The following OR52N1 variants were observed in gnomAD, a reference collection of about 807,000 sequenced individuals.
OR52N1 encodes olfactory receptor family 52 subfamily N member 1.
A neutral mutation model predicts 13.9 loss-of-function variants in OR52N1; 11 were observed. The ratio of observed to expected loss-of-function variants is 0.79; its 90% CI spans 0.50 to 1.31. The LOEUF (loss-of-function observed/expected upper bound fraction) is 1.31. OR52N1 is among the 40% of genes most tolerant of loss of function. The probability of loss-of-function intolerance (pLI) is 0.00; values close to 1 mark genes in which losing one functional copy is unlikely to be tolerated. For synonymous variants in OR52N1, 142 were observed against 143.7 expected (o/e 0.99, Z 0.08); for missense variants, 414 against 397.7 (o/e 1.04, Z -0.35).
In OR52N1 at chr11:5,788,853, C is replaced by T; in HGVS notation, c.-37G>A. On this transcript the variant is annotated 5_prime_UTR_variant, in exon 2 of 2. The change abolishes an upstream ATG in the 5' untranslated region. Transcript: ENST00000641645. ...GAAGTTCATTGTATAGCAGTTATAGCATTGCCTCTGTGAGCAGGAAATAAA... is the reference window on the plus strand; with the variant it reads ...GAAGTTCATTGTATAGCAGTTATAGTATTGCCTCTGTGAGCAGGAAATAAA... The T allele has an allele frequency of 6.6e-7, 1 of 1,520,946 alleles. No homozygotes were observed. Among genetic ancestry groups the T allele is most frequent in the Non-Finnish European group, 8.7e-7 (1 of 1,143,248 alleles). The allele number at this position is 1,520,946 out of a possible 1,614,324, so 94.2% of individuals were successfully genotyped here.
At chr11:5,789,403 A>G (rs1854632474) in intron 1 of OR52N1, among the ~76,000 whole-genome samples, 1 of 152,128 alleles carries the variant, frequency 6.6e-6, no homozygotes, top group Non-Finnish European at 1.5e-5. Flanking sequence ...GAAATCATAG[A>G]ATGATCTTAG....
At position 5,787,638 on chromosome 11, in the gene OR52N1, G is replaced by A. The variant is rs1334376878; in HGVS notation, c.*216C>T. 5 of 390,004 alleles carry A rather than the reference G, an allele frequency of 1.3e-5. 1 individual carries two copies. Among genetic ancestry groups the A allele is most frequent in the South Asian group, 5.2e-5 (1 of 19,340 alleles). 24.2% of individuals were successfully genotyped at this position (390,004 alleles called of 1,614,324 possible). On this transcript the variant is annotated 3_prime_UTR_variant, in exon 2 of 2. Coordinates refer to ENST00000641645, the MANE Select transcript of OR52N1 (RefSeq NM_001001913.2). The stretch of plus-strand genomic sequence containing the variant: ...GTGAAGATTAAATGCAGTGAACTTC[G>A]AAGTCCTCTATAGTAAAAAGGCTTT...
In OR52N1 at chr11:5,788,222, T is replaced by C. The variant is rs1283532763; in HGVS notation, c.595A>G (p.Ile199Val). The change falls in exon 2 of 2, where the codon ATC becomes GTC. Residue 199 changes from isoleucine (I) to valine (V), a missense_variant. Coordinates refer to ENST00000641645, the MANE Select transcript of OR52N1 (RefSeq NM_001001913.2). ...AGCAGGGCAACTATCAAACCATAGA[T>C]GGCGTTAACCCTGACATTACCACAA... is the stretch of plus-strand genomic sequence containing the variant. Reference protein sequence around the residue: ...ISCGNVRVNAIYGLIVALLIG... With the variant: ...ISCGNVRVNAVYGLIVALLIG... 3 of 1,613,936 alleles carry C rather than the reference T, an allele frequency of 1.9e-6. No homozygotes were observed. Among genetic ancestry groups the C allele is most frequent in the South Asian group, 1.1e-5 (1 of 91,086 alleles).
rs1252529307 is a variant in OR52N1 at position 5,788,254 on chromosome 11, T to A, written c.563A>T (p.Lys188Met). The A allele has an allele frequency of 6.2e-7, 1 of 1,613,966 alleles. No homozygotes were observed. Among genetic ancestry groups the A allele is most frequent in the African/African-American group, 1.3e-5 (1 of 74,934 alleles). Reference protein sequence around the residue: ...HTYCDHMSVAKISCGNVRVNA... With the variant: ...HTYCDHMSVAMISCGNVRVNA... ...AACCCTGACATTACCACAAGATATC[T>A]TGGCCACAGACATGTGGTCACAGTA... The change falls in exon 2 of 2, where the codon AAG becomes ATG. Residue 188 changes from lysine (K) to methionine (M), a missense_variant. Coordinates refer to ENST00000641645, the MANE Select transcript of OR52N1 (RefSeq NM_001001913.2).
At chr11:5,790,685 C>T (rs1322177370) in intron 1 of OR52N1, among the ~76,000 whole-genome samples, 1 of 151,970 alleles carries the variant, frequency 6.6e-6, no homozygotes, top group African/African-American at 2.4e-5. Context: ...ATCTGCTCAC[C>T]CTAATGATCA....
Position 5,787,584 on chromosome 11 carries a change from A to G in OR52N1, c.*270T>C. 3.8e-6 allele frequency: 1 copy of G among 261,130 alleles called. No homozygotes were observed. Among genetic ancestry groups the G allele is most frequent in the Non-Finnish European group, 7.1e-6 (1 of 140,090 alleles). The allele number at this position is 261,130 out of a possible 1,614,324, so 16.2% of individuals were successfully genotyped here. Reference sequence around the variant, plus strand: ...ACCACTGTGCTGCAAATTTGTGTAGACTGTCATTTAGGAGAGAAGATGATG... The same window carrying G: ...ACCACTGTGCTGCAAATTTGTGTAGGCTGTCATTTAGGAGAGAAGATGATG... On this transcript the variant is annotated 3_prime_UTR_variant, in exon 2 of 2. Coordinates refer to ENST00000641645, the MANE Select transcript of OR52N1 (RefSeq NM_001001913.2).
chr11:5,787,760 T>G lies in OR52N1; in HGVS notation c.*94A>C. On this transcript the variant is annotated 3_prime_UTR_variant, in exon 2 of 2. Coordinates refer to ENST00000641645, the MANE Select transcript of OR52N1 (RefSeq NM_001001913.2). ...GAGTAATCCGAGTATCATAAAAATATTCCTGTGGCCAGATTTCTGGTGTCA... is the reference window on the plus strand; with the variant it reads ...GAGTAATCCGAGTATCATAAAAATAGTCCTGTGGCCAGATTTCTGGTGTCA... 2 of 1,081,554 alleles carry G rather than the reference T, an allele frequency of 1.8e-6. No individual in the cohort carries two copies. Among genetic ancestry groups the G allele is most frequent in the Non-Finnish European group, 2.6e-6 (2 of 764,556 alleles). The allele number at this position is 1,081,554 out of a possible 1,614,324, so 67.0% of individuals were successfully genotyped here. A position where few individuals can be genotyped will look rare whatever the true frequency, so the allele number is the denominator to read the frequency against.
rs1854657479 is a variant in OR52N1, at chr11:5,791,264, C to G, written c.-198G>C. The G allele has an allele frequency of 6.6e-6, 1 of 151,844 alleles. No homozygotes were observed. The highest frequency in any genetic ancestry group is 1.5e-5 in the Non-Finnish European group (1 of 67,834). 9.4% of individuals were successfully genotyped at this position (151,844 alleles called of 1,614,324 possible). ...GTGGAGGAGGGAACATTTCTATTAT[C>G]TGTCCATATGTGTGTGTACGTGCAT... On this transcript the variant is annotated 5_prime_UTR_variant, in exon 1 of 2. Transcript: ENST00000641645.
In OR52N1 at chr11:5,788,443, C is replaced by T. The variant is rs10769224; in HGVS notation, c.374G>A (p.Cys125Tyr). The T allele has an allele frequency of 0.3, 485,286 of 1,613,724 alleles. 74,170 individuals carry two copies. The highest frequency in any genetic ancestry group is 0.44 in the African/African-American group (33,089 of 74,924). Reference protein sequence around the residue: ...GVLMLMALDHCVAICFPLRYA... With the variant: ...GVLMLMALDHYVAICFPLRYA... ...ACGCAGAGGGAAGCAGATGGCCACA[C>T]AGTGGTCCAGGGCCATGAGCATGAG... The change falls in exon 2 of 2, where the codon TGT becomes TAT. Residue 125 changes from cysteine (C) to tyrosine (Y), a missense_variant. By Grantham distance (194) the Cys-to-Tyr change is radical (BLOSUM62 -2). Transcript: ENST00000641645.
chr11:5,788,380 G>C lies in OR52N1; in HGVS notation c.437C>G (p.Ala146Gly). 6.2e-7 allele frequency: 1 copy of C among 1,614,028 alleles called. No individual in the cohort carries two copies. The highest frequency in any genetic ancestry group is 8.5e-7 in the Non-Finnish European group (1 of 1,179,996). Residue 146 changes from alanine to glycine, a missense_variant, in exon 2 of 2, where the codon GCT becomes GGT. By Grantham distance (60) the Ala-to-Gly change is moderately conservative. Coordinates refer to ENST00000641645, the MANE Select transcript of OR52N1 (RefSeq NM_001001913.2). ...TILTNSVIAKAGFLTFLRGVM... is the reference protein window; with the variant it reads ...TILTNSVIAKGGFLTFLRGVM... ...ACCCCTAAGAAAAGTGAGGAACCCA[G>C]CTTTAGCAATGACTGAATTAGTGAG...
rs1590354755 is a variant in OR52N1, at chr11:5,786,961, T to C, written c.*893A>G. 1.4e-5 allele frequency: 2 copies of C among 139,802 alleles called. 1 individual carries two copies. Among genetic ancestry groups the C allele is most frequent in the Non-Finnish European group, 3.2e-5 (2 of 63,366 alleles). The allele number at this position is 139,802 out of a possible 1,614,324, so 8.7% of individuals were successfully genotyped here. A position where few individuals can be genotyped will look rare whatever the true frequency, so the allele number is the denominator to read the frequency against. On this transcript the variant is annotated 3_prime_UTR_variant, in exon 2 of 2. Transcript: ENST00000641645. ...CTCACAGCTTAGGGAGGTGAGAGTATGTGCTCAAGACATATTATTTTAAAT... is the reference window on the plus strand; with the variant it reads ...CTCACAGCTTAGGGAGGTGAGAGTACGTGCTCAAGACATATTATTTTAAAT...
At chr11:5,788,901 G>A (rs1274084610) in intron 1 of OR52N1, 41 bp from the exon 2 acceptor site, 1 of 1,401,112 alleles carries the variant, frequency 7.1e-7, no homozygotes, top group Non-Finnish European at 9.6e-7. Flanking sequence ...TTCAAGGAGT[G>A]ACTGACCATC....
At position 5,788,302 on chromosome 11, in the gene OR52N1, T is replaced by A. The variant is rs1854617951; in HGVS notation, c.515A>T (p.Lys172Met). The change falls in exon 2 of 2, where the codon AAG (lysine) becomes ATG (methionine). Residue 172 changes from lysine to methionine, a missense_variant. Transcript: ENST00000641645. The part of the protein sequence containing the change: ...TFLTKRLPYC[K>M]GNVIPHTYCD... ...GTAGGTGTGGGGTATGACGTTGCCC[T>A]TGCAGTATGGAAGGCGCTTGGTGAG... The A allele has an allele frequency of 6.2e-7, 1 of 1,613,858 alleles. No homozygotes were observed. The highest frequency in any genetic ancestry group is 1.7e-5 in the Admixed American group (1 of 59,948).
At chr11:5,790,873 C>T (rs1017264850) in intron 1 of OR52N1, among the ~76,000 whole-genome samples, 3 of 152,016 alleles carry the variant, frequency 2.0e-5, no homozygotes, top group South Asian at 4.1e-4. Context: ...AAATGTTCTC[C>T]TATCCTGTAG....
intron 1 of OR52N1, among the ~76,000 whole-genome samples, chr11:5,789,627 T>C (rs73390396): frequency 0.039 from 5,929 of 152,080 alleles, 365 homozygotes; most frequent in African/African-American, 0.13. Flanking sequence ...ACAAAATAAA[T>C]TGACATTCCC....
intron 1 of OR52N1, among the ~76,000 whole-genome samples, chr11:5,789,417 C>T (rs995706404): frequency 1.3e-5 from 2 of 151,908 alleles, no homozygotes; most frequent in Non-Finnish European, 2.9e-5. Flanking sequence ...ATCTTAGAGG[C>T]AAATAAATAA....
rs139243575 is a variant in OR52N1, at chr11:5,789,556, C to T, written c.-44-696G>A. 1.9e-3 allele frequency among the ~76,000 whole-genome samples: 286 copies of T among 152,160 alleles called. 1 individual carries two copies. The highest frequency in any genetic ancestry group is 3.0e-3 in the Non-Finnish European group (205 of 67,984). Reference sequence around the variant, plus strand: ...AGAATCCAATGTTTTCCTAAGATTACAGTCTAGTCTAATTGACTCTAGAGT... The same window carrying T: ...AGAATCCAATGTTTTCCTAAGATTATAGTCTAGTCTAATTGACTCTAGAGT... On this transcript the variant is annotated intron_variant, in intron 1 of 1. Coordinates refer to ENST00000641645, the MANE Select transcript of OR52N1 (RefSeq NM_001001913.2).
At chr11:5,789,072 A>G (rs1389297250) in intron 1 of OR52N1, among the ~76,000 whole-genome samples, 2 of 152,142 alleles carry the variant, frequency 1.3e-5, no homozygotes, top group Non-Finnish European at 2.9e-5. Context: ...TTGGACCTGA[A>G]TATCTGGGGT....
At position 5,788,243 on chromosome 11, in the gene OR52N1, CA is replaced by C; in HGVS notation, c.573del (p.Cys191TrpfsTer12). 1 of 1,614,012 alleles carries C rather than the reference CA, an allele frequency of 6.2e-7. No homozygotes were observed. Among genetic ancestry groups the C allele is most frequent in the Non-Finnish European group, 8.5e-7 (1 of 1,179,972 alleles). ...TAGATGGCGTTAACCCTGACATTAC[CA>C]CAAGATATCTTGGCCACAGACATGT... ...CDHMSVAKIS[C>X]GNVRVNAIYG... On this transcript the variant is annotated frameshift_variant, in exon 2 of 2. Transcript: ENST00000641645. LOFTEE classifies it high-confidence loss of function.
Sources: allele counts gnomAD v4.1 joint callset (sites outside exome capture counted in the v4.1 genomes callset), GRCh38; gene constraint gnomAD v4.1.1; transcripts MANE v1.5; gene names NCBI Gene and HGNC (gene_info 2026-07-23, HGNC 2026-07-21).